Variants in ZNF407 observed in about 807,000 individuals in gnomAD.
ZNF407 encodes the protein zinc finger protein 407.
ZNF407 carries 17 observed loss-of-function variants against 131.2 expected under a neutral mutation model. That is an observed-to-expected ratio of 0.13 (90% CI 0.09 to 0.19). ZNF407 has a LOEUF of 0.19. Ranked by LOEUF, ZNF407 falls within the 10% of genes least tolerant of loss-of-function variation. ZNF407 has a pLI of 1.00. For synonymous variants in ZNF407, 1,156 were observed against 1,062.0 expected (o/e 1.09, Z -1.72); for missense variants, 2,681 against 2,830.6 (o/e 0.95, Z 1.20).
At chr18:75,039,578 A>G (rs1016072528) in intron 8 of ZNF407, among the ~76,000 whole-genome samples, 1 of 152,220 alleles carries the variant, frequency 6.6e-6, no homozygotes, top group African/African-American at 2.4e-5. Flanking sequence ...CACTGTTTCC[A>G]TAATTCAGCT....
intron 3 of ZNF407, among the ~76,000 whole-genome samples, chr18:74,737,921 A>G (rs1291900): frequency 0.9 from 136,307 of 152,192 alleles, 61,105 homozygotes; most frequent in Non-Finnish European, 0.9. Context: ...AATGTTACTT[A>G]AAAACACAAT....
At chr18:75,043,186 G>A (rs539069316) in intron 8 of ZNF407, among the ~76,000 whole-genome samples, 8 of 152,170 alleles carry the variant, frequency 5.3e-5, no homozygotes, top group East Asian at 1.9e-4. Context: ...TGGCATGATC[G>A]GTCTTTTTAA....
chr18:74,717,881 A>AT (rs1967933395), intron 3 of ZNF407, among the ~76,000 whole-genome samples: 1 of 152,076 alleles, frequency 6.6e-6, no homozygotes, highest in Non-Finnish European at 1.5e-5. Flanking sequence ...TGATAAAAAA[A>AT]TTTCAGATTT....
At chr18:75,023,225 G>A (rs867167315) in intron 8 of ZNF407, among the ~76,000 whole-genome samples, 2 of 152,026 alleles carry the variant, frequency 1.3e-5, no homozygotes, top group Non-Finnish European at 1.5e-5. Context: ...TACATACTGG[G>A]CTTAATACAC....
intron 8 of ZNF407, among the ~76,000 whole-genome samples, chr18:74,959,934 G>A (rs1278268628): frequency 6.6e-6 from 1 of 152,162 alleles, no homozygotes; most frequent in Non-Finnish European, 1.5e-5. Flanking sequence ...CAACAGTGTG[G>A]CTTCTTTATG....
chr18:74,686,490 C>G (rs1386845953), intron 3 of ZNF407, among the ~76,000 whole-genome samples: 1 of 152,290 alleles, frequency 6.6e-6, no homozygotes, highest in South Asian at 2.1e-4. Context: ...CCTTTCCTGG[C>G]CTGTTCATTG....
At chr18:74,610,965 TTG>T (rs1266671522) in intron 1 of ZNF407, among the ~76,000 whole-genome samples, 1 of 152,226 alleles carries the variant, frequency 6.6e-6, no homozygotes, top group Admixed American at 6.5e-5. Flanking sequence ...TTCCAATTTT[TTG>T]TCTCAATGAG....
chr18:75,023,016 C>T (rs1038421971), intron 8 of ZNF407, among the ~76,000 whole-genome samples: 13 of 152,246 alleles, frequency 8.5e-5, no homozygotes, highest in Admixed American at 8.5e-4. Flanking sequence ...CGAACGAGAT[C>T]ATGTCCTTTG....
At chr18:74,847,804 A>G (rs112303129) in intron 4 of ZNF407, among the ~76,000 whole-genome samples, 119 of 152,074 alleles carry the variant, frequency 7.8e-4, no homozygotes, top group Non-Finnish European at 1.1e-3. Flanking sequence ...TTTGTCATTT[A>G]AAAATAATCA....
At chr18:74,834,753 C>T (rs1283247892) in intron 4 of ZNF407, among the ~76,000 whole-genome samples, 1 of 152,138 alleles carries the variant, frequency 6.6e-6, no homozygotes, top group African/African-American at 2.4e-5. Context: ...GAAAACAGTG[C>T]CCCACTTTTT....
chr18:75,050,013 A>AGG (rs1385429440), intron 8 of ZNF407, among the ~76,000 whole-genome samples: 1 of 152,110 alleles, frequency 6.6e-6, no homozygotes, highest in Non-Finnish European at 1.5e-5. Flanking sequence ...TTTACTACCG[A>AGG]CTGCAGGACT....
At chr18:75,008,076 C>T (rs190868617) in intron 8 of ZNF407, among the ~76,000 whole-genome samples, 1 of 152,258 alleles carries the variant, frequency 6.6e-6, no homozygotes, top group East Asian at 1.9e-4. Flanking sequence ...TGAGGCTGGA[C>T]AGTTGAATTG....
chr18:74,694,856 T>A (rs1408931504), intron 3 of ZNF407, among the ~76,000 whole-genome samples: 2 of 152,242 alleles, frequency 1.3e-5, no homozygotes, highest in Non-Finnish European at 2.9e-5. Context: ...TATTTCAGTC[T>A]GTATTTTCAT....
At chr18:74,915,273 C>T (rs1220027965) in intron 7 of ZNF407, among the ~76,000 whole-genome samples, 6 of 152,000 alleles carry the variant, frequency 3.9e-5, no homozygotes, top group Non-Finnish European at 8.8e-5. Flanking sequence ...GTCTTTTTCA[C>T]CCAAGGTATC....
Position 74,632,105 on chromosome 18 carries a change from T to G in ZNF407, c.1086T>G (p.Val362=). The G allele has an allele frequency of 6.2e-7, 1 of 1,613,972 alleles. No individual in the cohort carries two copies. The highest frequency in any genetic ancestry group is 8.5e-7 in the Non-Finnish European group (1 of 1,179,888). ...RNTLSQEVEI[V]EEHVTSLGLA... is the part of the protein sequence containing the mutation. ...CTTTGTCACAGGAAGTAGAGATTGT[T>G]GAAGAACATGTTACTTCCCTTGGTC... is the stretch of plus-strand genomic sequence containing the variant. Residue 362 remains valine (V), a synonymous_variant, in exon 2 of 9, where the codon GTT becomes GTG. Coordinates refer to ENST00000299687, the MANE Select transcript of ZNF407 (RefSeq NM_017757.3).
chr18:74,762,379 T>C (rs931739312), intron 3 of ZNF407, among the ~76,000 whole-genome samples: 3 of 152,194 alleles, frequency 2.0e-5, no homozygotes, highest in Admixed American at 6.5e-5. Context: ...GACTTCCTAT[T>C]GTAAATGTCG....
At chr18:74,815,867 C>T (rs774815445) in intron 4 of ZNF407, among the ~76,000 whole-genome samples, 59 of 152,234 alleles carry the variant, frequency 3.9e-4, no homozygotes, top group East Asian at 7.7e-4. Context: ...CGAAAGTATA[C>T]GCCTTTGATT....
At chr18:74,951,489 C>T (rs1263115929) in intron 8 of ZNF407, among the ~76,000 whole-genome samples, 1 of 152,150 alleles carries the variant, frequency 6.6e-6, no homozygotes, top group Non-Finnish European at 1.5e-5. Flanking sequence ...CATGTTGACC[C>T]TTCTGCCTCT....
chr18:74,917,730 C>G (rs921071164), intron 7 of ZNF407, among the ~76,000 whole-genome samples: 1 of 152,112 alleles, frequency 6.6e-6, no homozygotes, highest in Admixed American at 6.5e-5. Flanking sequence ...TTATATTATT[C>G]TCCATTTAAA....
Sources: gnomAD v4.1 joint callset for allele counts (sites outside exome capture counted in the v4.1 genomes callset) on GRCh38, gnomAD v4.1.1 for gene constraint, MANE v1.5 for transcripts, NCBI Gene and HGNC (gene_info 2026-07-23, HGNC 2026-07-21) for gene names.